The following ANKRD26 variants were observed in gnomAD, a reference collection of about 807,000 sequenced individuals.
The protein encoded by ANKRD26 is ankyrin repeat domain-containing protein 26.
In ANKRD26, 141 loss-of-function variants were observed where a neutral mutation model predicts 208.7. The observed-to-expected ratio is 0.68, with a 90% CI of 0.59 to 0.78. ANKRD26 has a LOEUF of 0.78. ANKRD26 is among the 30% of genes least tolerant of loss of function. ANKRD26 has a pLI of 0.00. For missense variants in ANKRD26, 1,889 were observed against 1,938.7 expected (o/e 0.97, Z 0.48); for synonymous variants, 636 against 660.4 (o/e 0.96, Z 0.57).
chr10:26,949,479 T>C, the ANKRD26 span, among the ~76,000 whole-genome samples: 1 of 151,974 alleles, frequency 6.6e-6, no homozygotes, highest in African/African-American at 2.4e-5. Flanking sequence ...ATCATCATTA[T>C]CTTATAGTTA....
At chr10:27,010,534 C>T (rs2053062450) in intron 32 of ANKRD26, among the ~76,000 whole-genome samples, 1 of 152,164 alleles carries the variant, frequency 6.6e-6, no homozygotes, top group South Asian at 2.1e-4. Context: ...CTCACTCTGT[C>T]ATCCAGGCTG....
intron 20 of ANKRD26, among the ~76,000 whole-genome samples, chr10:27,043,177 G>GA (rs201791459): frequency 5.7e-4 from 70 of 123,138 alleles, no homozygotes; most frequent in Middle Eastern, 4.1e-3. Context: ...AAATTAAAAT[G>GA]AAAAAAAAAA....
chr10:27,012,605 A>T (rs1173793557), intron 32 of ANKRD26, among the ~76,000 whole-genome samples: 1 of 152,152 alleles, frequency 6.6e-6, no homozygotes, highest in African/African-American at 2.4e-5. Context: ...ATTTGAAACC[A>T]GAAGTTTGAG....
downstream of ANKRD26, among the ~76,000 whole-genome samples, chr10:27,001,751 C>A (rs1374665677): frequency 6.6e-5 from 10 of 152,184 alleles, no homozygotes; most frequent in Admixed American, 3.9e-4. Flanking sequence ...TAGCCCTTTT[C>A]TATTGGCACA....
chr10:27,025,849 T>C (rs1564365562), intron 27 of ANKRD26, among the ~76,000 whole-genome samples: 1 of 152,226 alleles, frequency 6.6e-6, no homozygotes, highest in African/African-American at 2.4e-5. Flanking sequence ...TCTGTTTCAC[T>C]TCTCATAAAC....
rs1781042026 is a variant in ANKRD26 at position 27,022,562 on chromosome 10, T to C, written c.4211A>G (p.His1404Arg). The change falls in exon 29 of 34, where the codon CAT becomes CGT. Residue 1404 changes from histidine (H) to arginine (R), a missense_variant. His to Arg is a conservative substitution (Grantham distance 29, BLOSUM62 0). Transcript: ENST00000376087. Reference protein sequence around the residue: ...EMDIQINKLKHKIDDLTAELE... With the variant: ...EMDIQINKLKRKIDDLTAELE... Reference sequence around the variant, plus strand: ...CCAAAACTTATTAAAAATTACCTTATGTTTTAGCTTATTAATCTGAATATC... The same window carrying C: ...CCAAAACTTATTAAAAATTACCTTACGTTTTAGCTTATTAATCTGAATATC... 6.6e-7 allele frequency: 1 copy of C among 1,523,912 alleles called. No individual in the cohort carries two copies. Among genetic ancestry groups the C allele is most frequent in the Non-Finnish European group, 9.0e-7 (1 of 1,106,792 alleles). 94.4% of individuals were successfully genotyped at this position (1,523,912 alleles called of 1,614,324 possible). A position where few individuals can be genotyped will look rare whatever the true frequency, so the allele number is the denominator to read the frequency against.
chr10:27,039,586 A>C (rs1179799049), intron 21 of ANKRD26, among the ~76,000 whole-genome samples: 1 of 152,170 alleles, frequency 6.6e-6, no homozygotes. Flanking sequence ...AAATTCCTAT[A>C]CTTTAAACGA....
At chr10:27,008,462 CAT>C (rs1449227171) in intron 32 of ANKRD26, among the ~76,000 whole-genome samples, 1 of 152,048 alleles carries the variant, frequency 6.6e-6, no homozygotes, top group Non-Finnish European at 1.5e-5. Context: ...CATTAATAAA[CAT>C]GACGTAAAAT....
chr10:26,949,100 T>C, the ANKRD26 span, among the ~76,000 whole-genome samples: 1 of 152,172 alleles, frequency 6.6e-6, no homozygotes, highest in Non-Finnish European at 1.5e-5. Context: ...AGTTTTTTAT[T>C]CTATTATAGA....
chr10:27,061,740 G>C (rs2055065534), intron 12 of ANKRD26, among the ~76,000 whole-genome samples: 1 of 151,670 alleles, frequency 6.6e-6, no homozygotes, highest in Admixed American at 6.6e-5. Context: ...ATTTTTGTAT[G>C]TTTTTGTAGA....
At chr10:26,990,587 T>C (rs971861699), downstream of ANKRD26, among the ~76,000 whole-genome samples, 1 of 152,102 alleles carries the variant, frequency 6.6e-6, no homozygotes, top group Admixed American at 6.6e-5. Context: ...AGTATGTTCT[T>C]ATAAGGGGGA....
chr10:27,068,799 GAGA>G (rs1363919251), intron 9 of ANKRD26, among the ~76,000 whole-genome samples: 8 of 150,572 alleles, frequency 5.3e-5, no homozygotes, highest in African/African-American at 1.7e-4. Context: ...GACAAAAATA[GAGA>G]AGATTATTCC....
At chr10:27,007,085 C>T (rs2134811517) in intron 32 of ANKRD26, 123 bp from the exon 33 acceptor site, 1 of 656,528 alleles carries the variant, frequency 1.5e-6, no homozygotes, top group East Asian at 2.6e-5. Flanking sequence ...AACTTGATTG[C>T]TTAAATATAA....
intron 28 of ANKRD26, 21 bp from the exon 29 acceptor site, chr10:27,022,708 A>G: frequency 3.8e-6 from 6 of 1,569,600 alleles, no homozygotes; most frequent in Non-Finnish European, 5.2e-6. Flanking sequence ...GTACAAAATG[A>G]GTAACTCAAG....
At chr10:27,080,896 C>T (rs1425538971) in intron 6 of ANKRD26, 7 of 985,384 alleles carry the variant, frequency 7.1e-6, no homozygotes, top group Non-Finnish European at 8.4e-6. Flanking sequence ...CCCTGCCCTA[C>T]CCTACATGTC....
At chr10:27,020,203 C>T (rs140943604) in intron 29 of ANKRD26, among the ~76,000 whole-genome samples, 118 of 152,198 alleles carry the variant, frequency 7.8e-4, no homozygotes, top group Non-Finnish European at 7.5e-4. Flanking sequence ...ATATTTATGG[C>T]TAGAGAGATA....
At chr10:26,962,250 T>A in the ANKRD26 span, among the ~76,000 whole-genome samples, 1 of 151,992 alleles carries the variant, frequency 6.6e-6, no homozygotes, top group Admixed American at 6.6e-5. Flanking sequence ...GGCAACATAG[T>A]GAGATGCCCA....
At chr10:27,068,705 T>C (rs907094190) in intron 9 of ANKRD26, among the ~76,000 whole-genome samples, 6 of 152,000 alleles carry the variant, frequency 3.9e-5, no homozygotes, top group Non-Finnish European at 7.4e-5. Context: ...GCAGGTGAGT[T>C]AGAGCATCAC....
In ANKRD26 at chr10:27,039,895, G is replaced by C. The variant is rs923995264; in HGVS notation, c.2375+70C>G. ...CTGCTAAGCCCCAGAAGATAAGTCA[G>C]CAATTACAAGAATTCTATATATCTT... On this transcript the variant is annotated intron_variant, in intron 21 of 33. Transcript: ENST00000376087. 19 of 1,421,824 alleles carry C rather than the reference G, an allele frequency of 1.3e-5. No homozygotes were observed. The African/African-American group carries it at 2.5e-4, about 19-fold the overall frequency. 88.1% of individuals were successfully genotyped at this position (1,421,824 alleles called of 1,614,324 possible).
Sources: allele counts gnomAD v4.1 joint callset (sites outside exome capture counted in the v4.1 genomes callset), GRCh38; gene constraint gnomAD v4.1.1; transcripts MANE v1.5; gene names NCBI Gene and HGNC (gene_info 2026-07-23, HGNC 2026-07-21).